Variants in ZNF440 observed in about 807,000 individuals in gnomAD.
The protein encoded by ZNF440 is zinc finger protein 440.
In ZNF440, 47 loss-of-function variants were observed where a neutral mutation model predicts 49.7. The observed-to-expected ratio is 0.95, with a 90% CI of 0.75 to 1.21. ZNF440 has a LOEUF of 1.21. Among genes scored for constraint, ZNF440 ranks in the 50% most tolerant of loss-of-function variants. The probability of loss-of-function intolerance (pLI) is 0.00; values close to 1 mark genes in which losing one functional copy is unlikely to be tolerated. For synonymous variants in ZNF440, 255 were observed against 237.7 expected, an observed-to-expected ratio of 1.07 and a Z score of -0.67; for missense variants, 703 against 715.0, an observed-to-expected ratio of 0.98 and a Z score of 0.19.
intron 1 of ZNF440, among the ~76,000 whole-genome samples, chr19:11,822,845 TAAAA>T (rs547706900): frequency 1.7e-5 from 2 of 117,526 alleles, no homozygotes; most frequent in Admixed American, 8.9e-5. Flanking sequence ...GAAACTCCGT[TAAAA>T]AAAAAAAAAA....
At chr19:11,825,947 C>G (rs1186956976) in intron 1 of ZNF440, among the ~76,000 whole-genome samples, 1 of 151,852 alleles carries the variant, frequency 6.6e-6, no homozygotes, top group Non-Finnish European at 1.5e-5. Context: ...TCCCGAGTAG[C>G]TGGGATTACA....
chr19:11,827,047 G>A (rs1427675630), intron 1 of ZNF440, among the ~76,000 whole-genome samples: 1 of 149,134 alleles, frequency 6.7e-6, no homozygotes, highest in Non-Finnish European at 1.5e-5. Flanking sequence ...TTAGCGGGAG[G>A]TATACTTGGA....
At chr19:11,815,120 C>CA (rs1056178152) in intron 1 of ZNF440, among the ~76,000 whole-genome samples, 2 of 151,800 alleles carry the variant, frequency 1.3e-5, no homozygotes, top group Non-Finnish European at 2.9e-5. Context: ...ACTAAAAATA[C>CA]AAAAAAATTA....
chr19:11,820,954 G>GC (rs1975792791), intron 1 of ZNF440, among the ~76,000 whole-genome samples: 1 of 152,108 alleles, frequency 6.6e-6, no homozygotes, highest in South Asian at 2.1e-4. Context: ...GGGACACAAT[G>GC]CCGTGTTGGT....
At chr19:11,824,295 C>A (rs757764307) in intron 1 of ZNF440, among the ~76,000 whole-genome samples, 6 of 151,610 alleles carry the variant, frequency 4.0e-5, no homozygotes, top group Admixed American at 2.6e-4. Flanking sequence ...AATTAAAATT[C>A]GCTGAGATTT....
Position 11,833,792 on chromosome 19 carries a change from G to A in ZNF440, c.*828G>A. 2 of 822,188 alleles carry A rather than the reference G, an allele frequency of 2.4e-6. No homozygotes were observed. The highest frequency in any genetic ancestry group is 3.6e-6 in the Non-Finnish European group (2 of 557,528). 50.9% of individuals were successfully genotyped at this position (822,188 alleles called of 1,614,324 possible). ...TCAGATCAGCCTCGCACCTTCAAAT[G>A]CATGGAAGGACTCACACTGGAGAAA... On this transcript the variant is annotated 3_prime_UTR_variant, in exon 4 of 4. Coordinates refer to ENST00000304060, the MANE Select transcript of ZNF440 (RefSeq NM_152357.3).
At position 11,814,342 on chromosome 19, in the gene ZNF440, A is replaced by C; in HGVS notation, c.-106A>C. On this transcript the variant is annotated 5_prime_UTR_variant, in exon 1 of 4. Transcript: ENST00000304060. Reference sequence around the variant, plus strand: ...TCTCGGCTTTCTTGCTTCGAGAGGGACTAGGTGCCTCCACCAGAGCTTCTG... The same window carrying C: ...TCTCGGCTTTCTTGCTTCGAGAGGGCCTAGGTGCCTCCACCAGAGCTTCTG... 1 of 1,317,490 alleles carries C rather than the reference A, an allele frequency of 7.6e-7. No individual in the cohort carries two copies. The highest frequency in any genetic ancestry group is 1.5e-5 in the South Asian group (1 of 65,546). The allele number at this position is 1,317,490 out of a possible 1,614,324, so 81.6% of individuals were successfully genotyped here. A position where few individuals can be genotyped will look rare whatever the true frequency, so the allele number is the denominator to read the frequency against.
intron 1 of ZNF440, among the ~76,000 whole-genome samples, chr19:11,819,212 T>C (rs955044291): frequency 1.3e-5 from 2 of 152,124 alleles, no homozygotes; most frequent in African/African-American, 2.4e-5. Context: ...TTTCCTGTTT[T>C]CCCTCAGTCA....
At chr19:11,827,651 C>T (rs1975883394) in intron 1 of ZNF440, 1 of 152,174 alleles carries the variant, frequency 6.6e-6, no homozygotes, top group South Asian at 2.1e-4. Flanking sequence ...GTGAGTTTTG[C>T]ATTTTCCATA....
At chr19:11,824,495 GT>G (rs571702307) in intron 1 of ZNF440, among the ~76,000 whole-genome samples, 24 of 152,064 alleles carry the variant, frequency 1.6e-4, no homozygotes, top group African/African-American at 5.5e-4. Flanking sequence ...ATTTTTGCAT[GT>G]TTTTTATGCA....
intron 1 of ZNF440, chr19:11,817,007 A>G (rs537431536): frequency 1.3e-5 from 2 of 152,336 alleles, no homozygotes; most frequent in South Asian, 2.1e-4. Flanking sequence ...CAAACCAGAT[A>G]AATGCTTGAT....
At chr19:11,814,867 G>A (rs1010144535) in intron 1 of ZNF440, among the ~76,000 whole-genome samples, 10 of 152,258 alleles carry the variant, frequency 6.6e-5, no homozygotes, top group African/African-American at 2.4e-4. Context: ...CAGCGAGCGG[G>A]GTAGGGCAGG....
intron 1 of ZNF440, among the ~76,000 whole-genome samples, chr19:11,821,895 C>G (rs990714193): frequency 3.9e-5 from 6 of 152,238 alleles, no homozygotes; most frequent in African/African-American, 1.4e-4. Flanking sequence ...CAGTGCATGG[C>G]TCACAATCCC....
rs199581298 is a variant in ZNF440 at position 11,834,787 on chromosome 19, C to A, written c.*1823C>A. The A allele has an allele frequency of 5.2e-5, 8 of 152,410 alleles. No individual in the cohort carries two copies. In the East Asian group the frequency reaches 7.7e-4, roughly 15 times the overall value. 9.4% of individuals were successfully genotyped at this position (152,410 alleles called of 1,614,324 possible). A position where few individuals can be genotyped will look rare whatever the true frequency, so the allele number is the denominator to read the frequency against. On this transcript the variant is annotated 3_prime_UTR_variant, in exon 4 of 4. Coordinates refer to ENST00000304060, the MANE Select transcript of ZNF440 (RefSeq NM_152357.3). ...TCTCTCCAACAATAAAAGACTTGGCCTTGGCTGGGCATGGTGGCTCACGCC... is the reference window on the plus strand; with the variant it reads ...TCTCTCCAACAATAAAAGACTTGGCATTGGCTGGGCATGGTGGCTCACGCC...
At position 11,832,838 on chromosome 19, in the gene ZNF440, G is replaced by T; in HGVS notation, c.1662G>T (p.Leu554=). Residue 554 remains leucine (L), a synonymous_variant, in exon 4 of 4, where the codon CTG becomes CTT. Transcript: ENST00000304060. ...SVSNDGKPSD[L]PHTFEYVVGH... ...GCAATGACGGAAAGCCTTCAGATCT[G>T]CCCCACACCTTTGAATACGTGGTAG... 1 of 1,613,966 alleles carries T rather than the reference G, an allele frequency of 6.2e-7. No individual in the cohort carries two copies. The highest frequency in any genetic ancestry group is 1.6e-4 in the Middle Eastern group (1 of 6,062).
chr19:11,815,326 A>ACACACACACACACAC (rs1568237555), intron 1 of ZNF440, among the ~76,000 whole-genome samples: 23 of 150,334 alleles, frequency 1.5e-4, no homozygotes, highest in Non-Finnish European at 2.4e-4. Flanking sequence ...ACACACACAC[A>ACACACACACACACAC]AATTAAATAG....
Position 11,832,194 on chromosome 19 carries a change from T to C in ZNF440, c.1018T>C (p.Tyr340His), listed in dbSNP as rs373753101. 34 of 1,614,088 alleles carry C rather than the reference T, an allele frequency of 2.1e-5. No individual in the cohort carries two copies. Among genetic ancestry groups the C allele is most frequent in the Non-Finnish European group, 1.6e-5 (19 of 1,180,040 alleles). The change falls in exon 4 of 4, where the codon TAT becomes CAT. Residue 340 changes from tyrosine (Y) to histidine (H), a missense_variant. By Grantham distance (83) the Tyr-to-His change is moderately conservative (BLOSUM62 2). Coordinates refer to ENST00000304060, the MANE Select transcript of ZNF440 (RefSeq NM_152357.3). Reference sequence around the variant, plus strand: ...AAGATTGCACTCTGGAGAAAGACCTTATGAATGTAAGATATGTGGAAAAGA... The same window carrying C: ...AAGATTGCACTCTGGAGAAAGACCTCATGAATGTAAGATATGTGGAAAAGA... ...HVRLHSGERP[Y>H]ECKICGKDFC...
intron 1 of ZNF440, among the ~76,000 whole-genome samples, chr19:11,814,955 C>G (rs752962742): frequency 2.0e-5 from 3 of 152,056 alleles, no homozygotes; most frequent in Non-Finnish European, 4.4e-5. Flanking sequence ...ACAATCTAAA[C>G]TAACTCGATA....
In ZNF440 at chr19:11,831,750, G is replaced by A; in HGVS notation, c.574G>A (p.Val192Ile). ...ISHSSVRRHMVMHSGDGPYKC... is the reference protein window; with the variant it reads ...ISHSSVRRHMIMHSGDGPYKC... ...CCATTCAAGTGTTCGAAGACACATG[G>A]TAATGCACAGTGGGGATGGACCTTA... Residue 192 changes from valine (V) to isoleucine (I), a missense_variant, in exon 4 of 4, where the codon GTA (valine) becomes ATA (isoleucine). By Grantham distance (29) the Val-to-Ile change is conservative. Coordinates refer to ENST00000304060, the MANE Select transcript of ZNF440 (RefSeq NM_152357.3). 1 of 1,614,074 alleles carries A rather than the reference G, an allele frequency of 6.2e-7. No homozygotes were observed. Among genetic ancestry groups the A allele is most frequent in the Admixed American group, 1.7e-5 (1 of 60,016 alleles).
Sources: allele counts gnomAD v4.1 joint callset (sites outside exome capture counted in the v4.1 genomes callset), GRCh38; gene constraint gnomAD v4.1.1; transcripts MANE v1.5; gene names NCBI Gene and HGNC (gene_info 2026-07-23, HGNC 2026-07-21).